MTUS1: variants seen among roughly 807,000 people sequenced by gnomAD.
MTUS1 encodes microtubule associated scaffold protein 1, also known as microtubule-associated tumor suppressor 1.
Under a neutral mutation model 120.8 loss-of-function variants are expected in MTUS1, and 109 were observed. That is an observed-to-expected ratio of 0.90 (90% confidence interval 0.77 to 1.06). MTUS1 has a LOEUF of 1.06. MTUS1 is among the 50% of genes least tolerant of loss of function. The probability of loss-of-function intolerance (pLI) is 0.00; values close to 1 mark genes in which losing one functional copy is unlikely to be tolerated. For synonymous variants in MTUS1, 737 were observed against 550.5 expected (o/e 1.34, Z -4.74); for missense variants, 2,210 against 1,486.3 (o/e 1.49, Z -8.01).
intron 4 of MTUS1, among the ~76,000 whole-genome samples, chr8:17,718,537 T>G (rs1822764020): frequency 6.6e-6 from 1 of 152,126 alleles, no homozygotes; most frequent in Admixed American, 6.5e-5. Flanking sequence ...TCAGTCCCAC[T>G]GAGGCTGGAT....
chr8:17,735,510 C>T (rs1011882696), intron 3 of MTUS1, among the ~76,000 whole-genome samples: 1 of 152,242 alleles, frequency 6.6e-6, no homozygotes, highest in Non-Finnish European at 1.5e-5. Flanking sequence ...CCCCGGGACA[C>T]GTCTGCTCCA....
chr8:17,710,837 C>G (rs552867938), intron 6 of MTUS1, among the ~76,000 whole-genome samples: 4 of 152,304 alleles, frequency 2.6e-5, no homozygotes, highest in African/African-American at 7.2e-5. Flanking sequence ...TGCAAAGTGG[C>G]TGCTATGTTA....
At chr8:17,752,500 G>A (rs866857457) in intron 2 of MTUS1, among the ~76,000 whole-genome samples, 419 of 152,322 alleles carry the variant, frequency 2.8e-3, no homozygotes, top group African/African-American at 9.6e-3. Context: ...TCACTGTGGT[G>A]TACCCTTCTT....
chr8:17,695,792 T>C (rs1030382214), intron 6 of MTUS1, among the ~76,000 whole-genome samples: 9 of 152,210 alleles, frequency 5.9e-5, no homozygotes, highest in Admixed American at 4.6e-4. Context: ...ACGCTTTTAT[T>C]TCTGTATAAC....
rs566013672 is a variant in MTUS1 at position 17,776,802 on chromosome 8, T to C, written c.-154-20841A>G. On this transcript the variant is annotated intron_variant, in intron 1 of 14. Transcript: ENST00000693296. ...ATTAAACATTACTCATAGGTGACGA[T>C]GAGTGATATTTAATCACTATTAACA... is the stretch of plus-strand genomic sequence containing the variant. Among the ~76,000 whole-genome samples the C allele has an allele frequency of 1.5e-3, 223 of 152,092 alleles. 2 individuals carry two copies. The highest frequency in any genetic ancestry group is 2.7e-3 in the Non-Finnish European group (182 of 68,012).
At position 17,755,306 on chromosome 8, in the gene MTUS1, C is replaced by T; in HGVS notation, c.502G>A (p.Val168Ile). The T allele has an allele frequency of 2.5e-6, 4 of 1,614,202 alleles. No homozygotes were observed. Among genetic ancestry groups the T allele is most frequent in the Non-Finnish European group, 2.5e-6 (3 of 1,180,038 alleles). Residue 168 changes from valine to isoleucine, a missense_variant, in exon 2 of 15, where the codon GTT (valine) becomes ATT (isoleucine). Coordinates refer to ENST00000693296, the MANE Select transcript of MTUS1 (RefSeq NM_001363059.2). Reference protein sequence around the residue: ...NQTFDMTVDKVNCTFISHHAI... With the variant: ...NQTFDMTVDKINCTFISHHAI... ...TGATGTGATATAAAGGTGCAGTTAACTTTATCCACTGTCATGTCAAATGTT... is the reference window on the plus strand; with the variant it reads ...TGATGTGATATAAAGGTGCAGTTAATTTTATCCACTGTCATGTCAAATGTT...
Position 17,647,023 on chromosome 8 carries a change from T to C in MTUS1, c.3558A>G (p.Glu1186=), listed in dbSNP as rs1054028007. The C allele has an allele frequency of 5.6e-6, 9 of 1,613,976 alleles. No homozygotes were observed. The Admixed American group carries it at 1.0e-4, about 18-fold the overall frequency. Residue 1186 remains glutamate, a synonymous_variant, in exon 14 of 15, where the codon GAA becomes GAG. Transcript: ENST00000693296. The part of the protein sequence containing the change: ...DKLKRFQQEN[E]ELKARMDKHM... ...GCTTGTCCATCCGAGCTTTCAATTC[T>C]TCATTCTCCTGCTGGAAACGCTTCA... is the stretch of plus-strand genomic sequence containing the variant.
chr8:17,711,814 T>G (rs2131004494), intron 6 of MTUS1, among the ~76,000 whole-genome samples: 1 of 152,330 alleles, frequency 6.6e-6, no homozygotes, highest in South Asian at 2.1e-4. Flanking sequence ...TTCTTTCACT[T>G]GAATATTCAG....
At position 17,755,546 on chromosome 8, in the gene MTUS1, C is replaced by A. The variant is rs753565717; in HGVS notation, c.262G>T (p.Asp88Tyr). The A allele has an allele frequency of 3.7e-6, 6 of 1,614,204 alleles. No homozygotes were observed. The highest frequency in any genetic ancestry group is 1.7e-4 in the Middle Eastern group (1 of 6,060). Residue 88 changes from aspartate (D) to tyrosine (Y), a missense_variant, in exon 2 of 15, where the codon GAT becomes TAT. By Grantham distance (160) the Asp-to-Tyr change is radical. Coordinates refer to ENST00000693296, the MANE Select transcript of MTUS1 (RefSeq NM_001363059.2). ...TCTAACACCTGCTTACTAATGAAATCACTAGAAGACTTTTCATGACCAAAT... is the reference window on the plus strand; with the variant it reads ...TCTAACACCTGCTTACTAATGAAATAACTAGAAGACTTTTCATGACCAAAT... ...EVFGHEKSSS[D>Y]FISKQVLDMH...
Position 17,674,890 on chromosome 8 carries a change from C to T in MTUS1, c.2905+296G>A, listed in dbSNP as rs557738947. On this transcript the variant is annotated intron_variant, in intron 8 of 14. Coordinates refer to ENST00000693296, the MANE Select transcript of MTUS1 (RefSeq NM_001363059.2). ...AAAAAAAAATGACAACATTATTTAACAGGAATTCACACAATTACAAAAATA... is the reference window on the plus strand; with the variant it reads ...AAAAAAAAATGACAACATTATTTAATAGGAATTCACACAATTACAAAAATA... 6 of 1,197,206 alleles carry T rather than the reference C, an allele frequency of 5.0e-6. No individual in the cohort carries two copies. The East Asian group carries it at 1.9e-4, about 37-fold the overall frequency. The allele number at this position is 1,197,206 out of a possible 1,614,324, so 74.2% of individuals were successfully genotyped here.
chr8:17,748,301 G>A (rs1276522738), intron 2 of MTUS1: 1 of 152,126 alleles, frequency 6.6e-6, no homozygotes, highest in African/African-American at 2.4e-5. Flanking sequence ...TGCCCGTCCT[G>A]TCCCGTCTTC....
At chr8:17,703,860 G>A (rs1160687785) in intron 6 of MTUS1, 1 of 152,218 alleles carries the variant, frequency 6.6e-6, no homozygotes, top group African/African-American at 2.4e-5. Flanking sequence ...TGTTTCCTCA[G>A]AAGCATGTAA....
At chr8:17,710,416 G>A (rs1054409955) in intron 6 of MTUS1, among the ~76,000 whole-genome samples, 3 of 152,140 alleles carry the variant, frequency 2.0e-5, no homozygotes, top group Non-Finnish European at 4.4e-5. Flanking sequence ...ATCTCAAGAA[G>A]ATACTTTATT....
chr8:17,718,449 A>G (rs984989883), intron 4 of MTUS1, among the ~76,000 whole-genome samples: 1 of 152,144 alleles, frequency 6.6e-6, no homozygotes, highest in African/African-American at 2.4e-5. Flanking sequence ...AATATCGGGT[A>G]TGGGAATAGA....
At chr8:17,689,843 G>A (rs1297611545) in intron 6 of MTUS1, among the ~76,000 whole-genome samples, 1 of 136,820 alleles carries the variant, frequency 7.3e-6, no homozygotes, top group African/African-American at 2.7e-5. Flanking sequence ...AGAAACTGGA[G>A]ACCTATCTCT....
chr8:17,645,756 C>G lies in MTUS1; in HGVS notation c.*170G>C. On this transcript the variant is annotated 3_prime_UTR_variant, in exon 15 of 15. Transcript: ENST00000693296. ...TTTGGACGGAGGCAAAAGTCTTCCT[C>G]CAGAGTTCCAGTCTCAGAAGCTGCG... is the stretch of plus-strand genomic sequence containing the variant. The G allele has an allele frequency of 1.2e-6, 1 of 826,830 alleles. No individual in the cohort carries two copies. Among genetic ancestry groups the G allele is most frequent in the Non-Finnish European group, 1.7e-6 (1 of 578,152 alleles). 51.2% of individuals were successfully genotyped at this position (826,830 alleles called of 1,614,324 possible). A position where few individuals can be genotyped will look rare whatever the true frequency, so the allele number is the denominator to read the frequency against.
At position 17,708,181 on chromosome 8, in the gene MTUS1, T is replaced by C. The variant is rs149711865; in HGVS notation, c.2623+5033A>G. ...AAGAAAGTGAAAACACACCCAAGAATTGGGAGAAAATATTTGCAAATGATA... is the reference window on the plus strand; with the variant it reads ...AAGAAAGTGAAAACACACCCAAGAACTGGGAGAAAATATTTGCAAATGATA... On this transcript the variant is annotated intron_variant, in intron 6 of 14. Coordinates refer to ENST00000693296, the MANE Select transcript of MTUS1 (RefSeq NM_001363059.2). Among the ~76,000 whole-genome samples, 169 of 152,258 alleles carry C rather than the reference T, an allele frequency of 1.1e-3. 2 individuals are homozygous for C. Among genetic ancestry groups the C allele is most frequent in the Middle Eastern group, 3.4e-3 (1 of 294 alleles).
At chr8:17,699,582 G>A (rs1323202881) in intron 6 of MTUS1, among the ~76,000 whole-genome samples, 3 of 152,152 alleles carry the variant, frequency 2.0e-5, no homozygotes, top group Non-Finnish European at 4.4e-5. Flanking sequence ...TCTAATCATC[G>A]ATTAATCAGA....
At chr8:17,770,215 C>G (rs1415859554) in intron 1 of MTUS1, among the ~76,000 whole-genome samples, 1 of 152,112 alleles carries the variant, frequency 6.6e-6, no homozygotes, top group African/African-American at 2.4e-5. Context: ...AGGGGATACT[C>G]ACTTTTCTGC....
Sources: gnomAD v4.1 joint callset for allele counts (sites outside exome capture counted in the v4.1 genomes callset) on GRCh38, gnomAD v4.1.1 for gene constraint, MANE v1.5 for transcripts, NCBI Gene and HGNC (gene_info 2026-07-23, HGNC 2026-07-21) for gene names.